Variants in CTNNA3 observed in about 807,000 individuals in gnomAD.
CTNNA3 encodes catenin alpha-3.
A neutral mutation model predicts 95.7 loss-of-function variants in CTNNA3; 76 were observed. The observed-to-expected ratio is 0.79, with a 90% CI of 0.66 to 0.96. The LOEUF is 0.96. Among genes scored for constraint, CTNNA3 ranks in the 40% least tolerant of loss-of-function variants. The pLI, the probability that CTNNA3 is intolerant of heterozygous loss-of-function variation, is 0.00. For missense variants in CTNNA3, 1,191 were observed against 1,089.8 expected, an observed-to-expected ratio of 1.09 and a Z score of -1.31; for synonymous variants, 431 against 374.4, an observed-to-expected ratio of 1.15 and a Z score of -1.74.
chr10:67,745,650 T>G (rs1021620027), intron 1 of CTNNA3, among the ~76,000 whole-genome samples: 2 of 151,812 alleles, frequency 1.3e-5, no homozygotes, highest in African/African-American at 4.8e-5. Flanking sequence ...CCCTAAAACT[T>G]AAAGTATAAT....
intron 5 of CTNNA3, among the ~76,000 whole-genome samples, chr10:67,277,199 G>A (rs1375813106): frequency 1.3e-5 from 2 of 152,056 alleles, no homozygotes; most frequent in East Asian, 3.9e-4. Flanking sequence ...TCCTACATAA[G>A]ATGACTATTT....
chr10:66,383,597 A>C (rs1051630968), intron 11 of CTNNA3, among the ~76,000 whole-genome samples: 13 of 152,172 alleles, frequency 8.5e-5, no homozygotes, highest in African/African-American at 2.9e-4. Context: ...TACAGAGAAC[A>C]CCACAAAGAT....
chr10:67,166,479 G>A (rs990306732), intron 7 of CTNNA3, among the ~76,000 whole-genome samples: 5 of 151,998 alleles, frequency 3.3e-5, no homozygotes, highest in African/African-American at 9.7e-5. Flanking sequence ...TTTTTAACCC[G>A]AGACTTAAAG....
chr10:66,921,635 C>T (rs960176988), intron 7 of CTNNA3, among the ~76,000 whole-genome samples: 7 of 152,184 alleles, frequency 4.6e-5, no homozygotes, highest in African/African-American at 2.4e-5. Context: ...CTCACAAGCT[C>T]ATATCCTTCA....
At chr10:67,726,996 A>G (rs1841235184) in intron 1 of CTNNA3, among the ~76,000 whole-genome samples, 1 of 114,214 alleles carries the variant, frequency 8.8e-6, no homozygotes, top group South Asian at 2.5e-4. Flanking sequence ...ATATAATTAT[A>G]TATAATATAT....
intron 13 of CTNNA3, among the ~76,000 whole-genome samples, chr10:66,242,584 A>G (rs907304828): frequency 6.6e-6 from 1 of 152,240 alleles, no homozygotes; most frequent in African/African-American, 2.4e-5. Flanking sequence ...ATAAGGAGAT[A>G]CTATTTTACA....
intron 1 of CTNNA3, among the ~76,000 whole-genome samples, chr10:67,761,416 T>G (rs1420997483): frequency 6.6e-6 from 1 of 152,186 alleles, no homozygotes; most frequent in Non-Finnish European, 1.5e-5. Context: ...AAATTTCTGA[T>G]TTGCTATAAA....
chr10:66,784,815 T>C (rs1840677854), intron 7 of CTNNA3, among the ~76,000 whole-genome samples: 1 of 152,166 alleles, frequency 6.6e-6, no homozygotes, highest in African/African-American at 2.4e-5. Context: ...ATAAAGAATC[T>C]GGAATTCCCA....
At chr10:66,313,879 T>C (rs183777603) in intron 12 of CTNNA3, among the ~76,000 whole-genome samples, 41 of 152,198 alleles carry the variant, frequency 2.7e-4, no homozygotes, top group Admixed American at 2.6e-3. Context: ...GTCAGAAAAA[T>C]AATGAATACT....
At chr10:66,529,024 G>A (rs1045625865) in intron 10 of CTNNA3, among the ~76,000 whole-genome samples, 1 of 151,904 alleles carries the variant, frequency 6.6e-6, no homozygotes, top group African/African-American at 2.4e-5. Context: ...TATCTAGTTG[G>A]TTTTTGTTTT....
intron 13 of CTNNA3, among the ~76,000 whole-genome samples, chr10:66,270,761 C>T (rs1265161599): frequency 6.6e-6 from 1 of 152,018 alleles, no homozygotes; most frequent in Non-Finnish European, 1.5e-5. Flanking sequence ...AAGAGGCCTC[C>T]TGTGCAGAGT....
At chr10:66,245,857 G>A (rs2090298394) in intron 13 of CTNNA3, among the ~76,000 whole-genome samples, 1 of 152,210 alleles carries the variant, frequency 6.6e-6, no homozygotes, top group South Asian at 2.1e-4. Flanking sequence ...CAGCAGAGAA[G>A]GTAACTACTC....
At chr10:66,366,783 A>C (rs2092713767) in intron 12 of CTNNA3, among the ~76,000 whole-genome samples, 1 of 152,190 alleles carries the variant, frequency 6.6e-6, no homozygotes, top group Non-Finnish European at 1.5e-5. Flanking sequence ...AAATAAAAAC[A>C]GAGCAGTTAG....
At chr10:66,121,467 T>TACACAC (rs5785750) in intron 13 of CTNNA3, among the ~76,000 whole-genome samples, 20 of 151,316 alleles carry the variant, frequency 1.3e-4, no homozygotes, top group African/African-American at 2.4e-4. Context: ...ACAACATACA[T>TACACAC]ACACACACAC....
rs1334614828 is a variant in CTNNA3, at chr10:66,845,363, C to G, written c.1048-69839G>C. The stretch of plus-strand genomic sequence containing the variant: ...CTATTGTCAAAAAGGCAAAAGATAC[C>G]AAGTGTTGGCAAAGATATGGTAATG... On this transcript the variant is annotated intron_variant, in intron 7 of 17. Coordinates refer to ENST00000433211, the MANE Select transcript of CTNNA3 (RefSeq NM_013266.4). Among the ~76,000 whole-genome samples the G allele has an allele frequency of 5.3e-5, 8 of 151,978 alleles. No homozygotes were observed. In the East Asian group the frequency reaches 1.5e-3, roughly 29 times the overall value.
chr10:67,006,837 A>C (rs1852021674), intron 7 of CTNNA3, among the ~76,000 whole-genome samples: 2 of 151,946 alleles, frequency 1.3e-5, no homozygotes, highest in Non-Finnish European at 2.9e-5. Flanking sequence ...TCTGTTGCCC[A>C]GGCTGGAGTG....
rs1840015117 is a variant in CTNNA3 at position 67,295,980 on chromosome 10, A to G, written c.580-76110T>C. The stretch of plus-strand genomic sequence containing the variant: ...GATGCGCAGTTCATTGCAGTGCCAC[A>G]TCTAAGGGAGGGTCCATAGTAGACA... On this transcript the variant is annotated intron_variant, in intron 5 of 17. Transcript: ENST00000433211. Among the ~76,000 whole-genome samples the G allele has an allele frequency of 2.6e-5, 4 of 152,184 alleles. No homozygotes were observed. In the South Asian group the frequency reaches 8.3e-4, roughly 31 times the overall value.
At chr10:67,171,019 A>G (rs1002291710) in intron 7 of CTNNA3, among the ~76,000 whole-genome samples, 1 of 152,234 alleles carries the variant, frequency 6.6e-6, no homozygotes, top group Non-Finnish European at 1.5e-5. Flanking sequence ...CACTGACTTA[A>G]CTAAAATTAA....
intron 11 of CTNNA3, among the ~76,000 whole-genome samples, chr10:66,482,079 G>C (rs988360479): frequency 6.6e-6 from 1 of 152,122 alleles, no homozygotes; most frequent in African/African-American, 2.4e-5. Context: ...TATTCTAGCT[G>C]AAAGTAAGAT....
Sources: gnomAD v4.1 joint callset for allele counts (sites outside exome capture counted in the v4.1 genomes callset) on GRCh38, gnomAD v4.1.1 for gene constraint, MANE v1.5 for transcripts, NCBI Gene and HGNC (gene_info 2026-07-23, HGNC 2026-07-21) for gene names.